TPM1: variants seen among roughly 807,000 people sequenced by gnomAD.
TPM1 encodes the protein tropomyosin alpha-1 chain.
Under a neutral mutation model 42.9 loss-of-function variants are expected in TPM1, and 24 were observed. The observed-to-expected ratio is 0.56, with a 90% CI of 0.41 to 0.79. The LOEUF (loss-of-function observed/expected upper bound fraction) is 0.79. Among genes scored for constraint, TPM1 ranks in the 30% least tolerant of loss-of-function variants. The pLI is 0.00. For missense variants in TPM1, 158 were observed against 351.8 expected, an observed-to-expected ratio of 0.45 and a Z score of 4.41; for synonymous variants, 136 against 130.1, an observed-to-expected ratio of 1.05 and a Z score of -0.31.
intron 2 of TPM1, among the ~76,000 whole-genome samples, chr15:63,050,406 G>C (rs185944505): frequency 6.6e-6 from 1 of 152,368 alleles, no homozygotes; most frequent in Admixed American, 6.5e-5. Context: ...ACCCTGCTAA[G>C]AAAGAGTATG....
intron 1 of TPM1, 179 bp from the exon 2 acceptor site, chr15:63,043,848 G>A: frequency 6.5e-7 from 1 of 1,548,548 alleles, no homozygotes; most frequent in South Asian, 1.2e-5. Context: ...GGGGCGCGCG[G>A]CACGGCGTGG....
downstream of TPM1, among the ~76,000 whole-genome samples, chr15:63,068,426 T>G (rs1203793049): frequency 6.6e-6 from 1 of 152,206 alleles, no homozygotes; most frequent in African/African-American, 2.4e-5. Flanking sequence ...GAGCAGCAGA[T>G]ATTCCAAGCG....
chr15:63,071,169 GT>G, downstream of TPM1: 1 of 1,613,536 alleles, frequency 6.2e-7, no homozygotes. Flanking sequence ...TAAACAACAT[GT>G]GAAAACCTCC....
downstream of TPM1, among the ~76,000 whole-genome samples, chr15:63,066,970 A>G (rs986922828): frequency 7.3e-5 from 11 of 151,658 alleles, no homozygotes; most frequent in African/African-American, 2.7e-4. Context: ...CTTCTGTTTT[A>G]TTTCACAAAC....
Position 63,048,823 on chromosome 15 carries a change from A to C in TPM1, c.240+4671A>C, listed in dbSNP as rs2033163067. 4 of 1,405,840 alleles carry C rather than the reference A, an allele frequency of 2.8e-6. No individual in the cohort carries two copies. In the East Asian group the frequency reaches 1.0e-4, roughly 36 times the overall value. The allele number at this position is 1,405,840 out of a possible 1,614,324, so 87.1% of individuals were successfully genotyped here. On this transcript the variant is annotated intron_variant, in intron 2 of 9. Coordinates refer to ENST00000403994, the MANE Select transcript of TPM1 (RefSeq NM_001018005.2). Reference sequence around the variant, plus strand: ...CCCGGTCCCTCGTCCCCACGCCTCCAGGGCGCACCTGGCGCACCTGGGCCA... The same window carrying C: ...CCCGGTCCCTCGTCCCCACGCCTCCCGGGCGCACCTGGCGCACCTGGGCCA...
intron 1 of TPM1, chr15:63,043,401 T>A (rs1157524621): frequency 6.5e-6 from 4 of 611,890 alleles, no homozygotes; most frequent in Non-Finnish European, 1.2e-5. Context: ...AGAACAAAGA[T>A]GGGGCGGAAT....
At chr15:63,043,811 G>C in intron 1 of TPM1, 1 of 1,548,610 alleles carries the variant, frequency 6.5e-7, no homozygotes, top group East Asian at 2.4e-5. Context: ...CCTCCTGGCC[G>C]CCGAAGAGGC....
At chr15:63,048,639 G>C (rs1435790829) in intron 2 of TPM1, 1 of 1,537,232 alleles carries the variant, frequency 6.5e-7, no homozygotes, top group South Asian at 1.2e-5. Flanking sequence ...GGAGCAGGCG[G>C]ACGCCGCTGA....
intron 5 of TPM1, chr15:63,061,150 A>C (rs774918887): frequency 6.3e-7 from 1 of 1,592,914 alleles, no homozygotes; most frequent in Admixed American, 1.7e-5. Flanking sequence ...CCTTACCTGC[A>C]CACTGATTTT....
At chr15:63,043,571 A>G in intron 1 of TPM1, 2 of 1,376,404 alleles carry the variant, frequency 1.5e-6, no homozygotes, top group African/African-American at 1.4e-5. Flanking sequence ...AGAGGAAGTT[A>G]CCTCGGGTCC....
chr15:63,055,553 C>G (rs899141538), intron 2 of TPM1, among the ~76,000 whole-genome samples: 3 of 152,174 alleles, frequency 2.0e-5, no homozygotes, highest in African/African-American at 7.2e-5. Flanking sequence ...TCTTACTGAG[C>G]CCATACTCTG....
intron 2 of TPM1, among the ~76,000 whole-genome samples, chr15:63,051,891 TTG>T (rs1354124981): frequency 5.7e-4 from 56 of 97,920 alleles, no homozygotes; most frequent in Admixed American, 5.7e-3. Flanking sequence ...CTCATAAAAG[TTG>T]TTTTTTTTTT....
chr15:63,053,434 C>G (rs1357299493), intron 2 of TPM1, among the ~76,000 whole-genome samples: 1 of 152,112 alleles, frequency 6.6e-6, no homozygotes, highest in Non-Finnish European at 1.5e-5. Context: ...AGCCGGCATG[C>G]TGGGAGCCTA....
downstream of TPM1, chr15:63,070,297 T>TATA (rs2036536361): frequency 8.2e-6 from 7 of 855,310 alleles, no homozygotes; most frequent in South Asian, 2.1e-4. Flanking sequence ...TATGTATATA[T>TATA]ATATATATAT....
At chr15:63,062,875 T>G (rs2035839558) in intron 8 of TPM1, 1 of 1,513,462 alleles carries the variant, frequency 6.6e-7, no homozygotes, top group African/African-American at 1.4e-5. Context: ...GCCATCCAGC[T>G]TGACTTCATG....
intron 2 of TPM1, among the ~76,000 whole-genome samples, chr15:63,054,941 T>C (rs2034537766): frequency 6.6e-6 from 1 of 151,844 alleles, no homozygotes. Context: ...AGAATTTTAC[T>C]GGAAAATGAA....
At chr15:63,070,290 G>GTGTT, downstream of TPM1, 1 of 494,816 alleles carries the variant, frequency 2.0e-6, no homozygotes, top group Non-Finnish European at 2.7e-6. Flanking sequence ...CTTTAAGTAT[G>GTGTT]TATATATATA....
chr15:63,058,702 C>G (rs997676642), intron 3 of TPM1, among the ~76,000 whole-genome samples: 34 of 152,132 alleles, frequency 2.2e-4, no homozygotes, highest in African/African-American at 8.0e-4. Flanking sequence ...GAGCGAGACT[C>G]TGTCTCAAAA....
chr15:63,062,037 T>C (rs1290346409), intron 6 of TPM1, 178 bp from the exon 7 acceptor site: 3 of 711,086 alleles, frequency 4.2e-6, no homozygotes, highest in Admixed American at 4.3e-5. Context: ...TTATCCCATG[T>C]AAAACAATAG....
Sources: gnomAD v4.1 joint callset for allele counts (sites outside exome capture counted in the v4.1 genomes callset) on GRCh38, gnomAD v4.1.1 for gene constraint, MANE v1.5 for transcripts, NCBI Gene and HGNC (gene_info 2026-07-23, HGNC 2026-07-21) for gene names.